The following MYO5A variants were observed in gnomAD, a reference collection of about 807,000 sequenced individuals.
MYO5A encodes the protein myosin VA.
In MYO5A, 98 loss-of-function variants were observed where a neutral mutation model predicts 249.7. That is an observed-to-expected ratio of 0.39 (90% confidence interval 0.33 to 0.46). The LOEUF is 0.46. MYO5A is among the 20% of genes least tolerant of loss of function. The pLI, the probability that MYO5A is intolerant of heterozygous loss-of-function variation, is 0.98. For synonymous variants in MYO5A, 778 were observed against 810.6 expected (o/e 0.96, Z 0.68); for missense variants, 1,696 against 2,308.8 (o/e 0.73, Z 5.44).
chr15:52,484,119 T>G (rs1189425514), intron 1 of MYO5A, among the ~76,000 whole-genome samples: 1 of 152,184 alleles, frequency 6.6e-6, no homozygotes, highest in Non-Finnish European at 1.5e-5. Context: ...AGGATCCTCA[T>G]GTTAAGAAAG....
chr15:52,322,126 C>T (rs2038355672), intron 37 of MYO5A, among the ~76,000 whole-genome samples: 2 of 152,316 alleles, frequency 1.3e-5, no homozygotes, highest in Non-Finnish European at 2.9e-5. Context: ...ACGTTGTTTG[C>T]CTGATGCTAC....
intron 1 of MYO5A, among the ~76,000 whole-genome samples, chr15:52,517,688 G>A (rs577041606): frequency 2.0e-5 from 3 of 152,218 alleles, no homozygotes; most frequent in African/African-American, 7.2e-5. Flanking sequence ...TCCAGCCTGG[G>A]CAACAAGAGC....
At chr15:52,479,607 T>C (rs967000720) in intron 1 of MYO5A, among the ~76,000 whole-genome samples, 2 of 152,238 alleles carry the variant, frequency 1.3e-5, no homozygotes, top group African/African-American at 2.4e-5. Flanking sequence ...TGTGCTGACA[T>C]GGAAAGATAC....
chr15:52,407,388 T>C lies in MYO5A; in HGVS notation c.850A>G (p.Asn284Asp), dbSNP rs772903184. 5 of 1,612,780 alleles carry C rather than the reference T, an allele frequency of 3.1e-6. No homozygotes were observed. The highest frequency in any genetic ancestry group is 4.2e-6 in the Non-Finnish European group (5 of 1,178,804). Residue 284 changes from asparagine to aspartate, a missense_variant, in exon 8 of 42, where the codon AAC (asparagine) becomes GAC (aspartate). Physicochemically the swap from Asn to Asp is conservative, Grantham distance 23. This residue lies in a region of MYO5A where 185 missense variants were observed against 204.8 expected (regional missense o/e 0.90). Coordinates refer to ENST00000399233, the MANE Select transcript of MYO5A (RefSeq NM_001382347.1). ...FKMLRLGNAD[N>D]FNYTKQGGSP... ...CCTCCTTGTTTTGTGTAATTAAAGT[T>C]ATCTGCATTTCCTGTAATGAAGAAA...
At chr15:52,357,153 C>T (rs918573577) in intron 25 of MYO5A, among the ~76,000 whole-genome samples, 3 of 151,890 alleles carry the variant, frequency 2.0e-5, no homozygotes, top group Non-Finnish European at 4.4e-5. Flanking sequence ...CTATACGTCC[C>T]CCATAAAAAT....
chr15:52,504,769 A>G (rs528213957), intron 1 of MYO5A, among the ~76,000 whole-genome samples: 4 of 152,164 alleles, frequency 2.6e-5, no homozygotes, highest in Non-Finnish European at 5.9e-5. Flanking sequence ...GGGCACCTGT[A>G]ATCCCAGCTA....
At chr15:52,465,258 G>T (rs2076330259) in intron 1 of MYO5A, among the ~76,000 whole-genome samples, 1 of 152,122 alleles carries the variant, frequency 6.6e-6, no homozygotes, top group South Asian at 2.1e-4. Context: ...TTAAACTTTG[G>T]GCTGCATGAT....
At chr15:52,366,430 A>G (rs1230701652) in intron 23 of MYO5A, among the ~76,000 whole-genome samples, 1 of 151,858 alleles carries the variant, frequency 6.6e-6, no homozygotes, top group African/African-American at 2.4e-5. Context: ...TCCACCACTA[A>G]TTACTGTATA....
rs79908983 is a variant in MYO5A, at chr15:52,519,290, G to A, written c.27+9490C>T. ...CGGTAGAAAGAAATCAGTAAGAAAG[G>A]TGACATAGGGTTCATAGCCCCCAAA... On this transcript the variant is annotated intron_variant, in intron 1 of 41. Coordinates refer to ENST00000399233, the MANE Select transcript of MYO5A (RefSeq NM_001382347.1). Among the ~76,000 whole-genome samples, 834 of 152,254 alleles carry A rather than the reference G, an allele frequency of 5.5e-3. 28 individuals are homozygous for A. Among genetic ancestry groups the A allele is most frequent in the Admixed American group, 0.042 (641 of 15,292 alleles).
In MYO5A at chr15:52,381,809, C is replaced by CACAT. The variant is rs376965630; in HGVS notation, c.2012+1281_2012+1282insATGT. Among the ~76,000 whole-genome samples, 337 of 151,816 alleles carry CACAT rather than the reference C, an allele frequency of 2.2e-3. 3 individuals are homozygous for CACAT. The highest frequency in any genetic ancestry group is 0.015 in the South Asian group (70 of 4,794). ...ACACACACACACACACACACACACA[C>CACAT]GGAGCATGGAGGGAAGGGAAGGTGG... On this transcript the variant is annotated intron_variant, in intron 16 of 41. Transcript: ENST00000399233.
intron 6 of MYO5A, among the ~76,000 whole-genome samples, chr15:52,409,337 T>G (rs186734179): frequency 6.6e-6 from 1 of 152,138 alleles, no homozygotes; most frequent in Non-Finnish European, 1.5e-5. Context: ...CTTCTGGTTA[T>G]CAAAGTAGAC....
intron 1 of MYO5A, among the ~76,000 whole-genome samples, chr15:52,487,293 G>T (rs1025663938): frequency 6.6e-6 from 1 of 152,056 alleles, no homozygotes; most frequent in Admixed American, 6.6e-5. Flanking sequence ...ACACACACCC[G>T]TAGTTCCAGC....
At chr15:52,503,914 C>T (rs2077207827) in intron 1 of MYO5A, among the ~76,000 whole-genome samples, 1 of 152,202 alleles carries the variant, frequency 6.6e-6, no homozygotes, top group Admixed American at 6.5e-5. Flanking sequence ...TGGGTTAGCA[C>T]ATGATCGACA....
At chr15:52,331,918 G>A (rs2038905981) in intron 34 of MYO5A, 1 of 934,576 alleles carries the variant, frequency 1.1e-6, no homozygotes, top group South Asian at 4.9e-5. Context: ...GCATGATCCA[G>A]TATGAAAGCC....
At position 52,307,885 on chromosome 15, in the gene MYO5A, A is replaced by G. The variant is rs1390383338; in HGVS notation, c.*5811T>C. ...AATTTTACTGCAGGATCCCACAAAAATACATAACCAGGAATCATAAATTAC... is the reference window on the plus strand; with the variant it reads ...AATTTTACTGCAGGATCCCACAAAAGTACATAACCAGGAATCATAAATTAC... On this transcript the variant is annotated 3_prime_UTR_variant, in exon 42 of 42. Transcript: ENST00000399233. The G allele has an allele frequency of 6.6e-6, 1 of 152,200 alleles. No homozygotes were observed. The highest frequency in any genetic ancestry group is 1.5e-5 in the Non-Finnish European group (1 of 67,998). The allele number at this position is 152,200 out of a possible 1,614,324, so 9.4% of individuals were successfully genotyped here.
rs373353461 is a variant in MYO5A at position 52,376,456 on chromosome 15, T to C, written c.2311A>G (p.Ile771Val). Residue 771 changes from isoleucine (I) to valine (V), a missense_variant, in exon 19 of 42, where the codon ATC becomes GTC. By Grantham distance (29) the Ile-to-Val change is conservative (BLOSUM62 3). Transcript: ENST00000399233. Reference protein sequence around the residue: ...LRADKLRAACIRIQKTIRGWL... With the variant: ...LRADKLRAACVRIQKTIRGWL... ...CCTCGGATGGTCTTCTGGATCCGGA[T>C]GCAGGCAGCTCTCAGTTTGTCAGCT... The C allele has an allele frequency of 1.2e-6, 2 of 1,614,194 alleles. No individual in the cohort carries two copies. The highest frequency in any genetic ancestry group is 1.3e-5 in the African/African-American group (1 of 75,058).
At chr15:52,500,364 G>C in intron 1 of MYO5A, among the ~76,000 whole-genome samples, 1 of 69,444 alleles carries the variant, frequency 1.4e-5, no homozygotes, top group South Asian at 4.8e-4. Context: ...TTTTTTTTTT[G>C]AGATGGAGTT....
intron 1 of MYO5A, among the ~76,000 whole-genome samples, chr15:52,494,260 T>A (rs1303712156): frequency 6.6e-6 from 1 of 152,182 alleles, no homozygotes; most frequent in Admixed American, 6.5e-5. Flanking sequence ...CCACCCATAA[T>A]CTGCTATCCA....
At chr15:52,510,616 C>A (rs964775261) in intron 1 of MYO5A, among the ~76,000 whole-genome samples, 2 of 151,912 alleles carry the variant, frequency 1.3e-5, no homozygotes, top group East Asian at 1.9e-4. Flanking sequence ...GAGCATGAAC[C>A]CTATTATGAA....
Sources: allele counts gnomAD v4.1 joint callset (sites outside exome capture counted in the v4.1 genomes callset), GRCh38; gene constraint gnomAD v4.1.1; regional missense constraint gnomAD v4.1.1; transcripts MANE v1.5; gene names NCBI Gene and HGNC (gene_info 2026-07-23, HGNC 2026-07-21).